Variants in FBXW7 observed in about 807,000 individuals in gnomAD.
The protein encoded by FBXW7 is F-box and WD repeat domain containing 7, also known as F-box/WD repeat-containing protein 7.
Under a neutral mutation model 86.3 loss-of-function variants are expected in FBXW7, and 11 were observed. The observed-to-expected ratio is 0.13, with a 90% CI of 0.08 to 0.21. FBXW7 has a LOEUF of 0.21. Ranked by LOEUF, FBXW7 falls within the 10% of genes least tolerant of loss-of-function variation. FBXW7 has a pLI of 1.00. For synonymous variants in FBXW7, 313 were observed against 297.9 expected, an observed-to-expected ratio of 1.05 and a Z score of -0.52; for missense variants, 488 against 847.4, an observed-to-expected ratio of 0.58 and a Z score of 5.27.
At position 152,321,525 on chromosome 4, in the gene FBXW7, G is replaced by C; in HGVS notation, c.*1356C>G. The C allele has an allele frequency of 4.3e-6, 1 of 233,082 alleles. No individual in the cohort carries two copies. Among genetic ancestry groups the C allele is most frequent in the Non-Finnish European group, 8.5e-6 (1 of 117,700 alleles). The allele number at this position is 233,082 out of a possible 1,614,324, so 14.4% of individuals were successfully genotyped here. A position where few individuals can be genotyped will look rare whatever the true frequency, so the allele number is the denominator to read the frequency against. On this transcript the variant is annotated 3_prime_UTR_variant, in exon 14 of 14. Transcript: ENST00000281708. ...AGTTCAGCTTGAGTTGTGGCTCTTG[G>C]AGAATGAGGCAAACCATTTGACTGT...
intron 2 of FBXW7, among the ~76,000 whole-genome samples, chr4:152,494,711 T>C (rs1445333278): frequency 6.6e-6 from 1 of 152,162 alleles, no homozygotes; most frequent in African/African-American, 2.4e-5. Context: ...ACCTGGAATG[T>C]ACAAGGAGAT....
chr4:152,502,420 T>C (rs955036262), intron 2 of FBXW7, among the ~76,000 whole-genome samples: 1 of 152,168 alleles, frequency 6.6e-6, no homozygotes, highest in African/African-American at 2.4e-5. Flanking sequence ...AATTTACAGT[T>C]AGAATGAGTA....
chr4:152,385,141 T>A (rs1268604706), intron 4 of FBXW7, among the ~76,000 whole-genome samples: 1 of 152,022 alleles, frequency 6.6e-6, no homozygotes, highest in African/African-American at 2.4e-5. Flanking sequence ...AAATTCTGTC[T>A]CAGTGATACC....
chr4:152,423,566 C>T (rs772023077), intron 2 of FBXW7, among the ~76,000 whole-genome samples: 1 of 152,158 alleles, frequency 6.6e-6, no homozygotes, highest in Admixed American at 6.5e-5. Flanking sequence ...CACCATACCT[C>T]TAATGTCCAT....
intron 4 of FBXW7, chr4:152,382,281 TA>T: frequency 6.2e-7 from 1 of 1,603,538 alleles, no homozygotes; most frequent in Non-Finnish European, 8.5e-7. Flanking sequence ...TTTGCACTTT[TA>T]AGATCAACAG....
intron 5 of FBXW7, among the ~76,000 whole-genome samples, chr4:152,347,284 G>A (rs372633057): frequency 1.4e-4 from 22 of 152,036 alleles, no homozygotes; most frequent in East Asian, 5.8e-4. Context: ...CCTATATAAC[G>A]CCTGTTATTA....
chr4:152,363,957 T>A (rs745752228), intron 4 of FBXW7, among the ~76,000 whole-genome samples: 4 of 152,136 alleles, frequency 2.6e-5, no homozygotes, highest in Non-Finnish European at 5.9e-5. Flanking sequence ...AGTTTAAATA[T>A]CTCTAAGATG....
At chr4:152,409,583 A>T (rs942381343) in intron 4 of FBXW7, among the ~76,000 whole-genome samples, 1 of 152,144 alleles carries the variant, frequency 6.6e-6, no homozygotes, top group African/African-American at 2.4e-5. Flanking sequence ...TTCAGACTGA[A>T]ATCTTACTTG....
intron 7 of FBXW7, among the ~76,000 whole-genome samples, chr4:152,336,098 C>T (rs1730066433): frequency 6.6e-6 from 1 of 151,990 alleles, no homozygotes; most frequent in Non-Finnish European, 1.5e-5. Context: ...ATTATTTATC[C>T]ACTTAGACAA....
At chr4:152,407,478 C>T (rs2126862963) in intron 4 of FBXW7, among the ~76,000 whole-genome samples, 1 of 152,306 alleles carries the variant, frequency 6.6e-6, no homozygotes, top group African/African-American at 2.4e-5. Context: ...TCTGAAGAAG[C>T]TATCATTCTC....
At chr4:152,418,506 G>GA (rs1308622744) in intron 2 of FBXW7, among the ~76,000 whole-genome samples, 1 of 151,968 alleles carries the variant, frequency 6.6e-6, no homozygotes, top group Non-Finnish European at 1.5e-5. Context: ...AGGAGCTGCA[G>GA]AAAAAAAACT....
intron 2 of FBXW7, among the ~76,000 whole-genome samples, chr4:152,472,097 C>T (rs1171131017): frequency 6.6e-6 from 1 of 152,046 alleles, no homozygotes; most frequent in East Asian, 1.9e-4. Context: ...CAAAGACATA[C>T]TACTACCCTC....
chr4:152,384,370 T>C (rs537369799), intron 4 of FBXW7, among the ~76,000 whole-genome samples: 1 of 152,188 alleles, frequency 6.6e-6, no homozygotes, highest in Non-Finnish European at 1.5e-5. Context: ...AATTCTGACA[T>C]ATGCTACAAC....
At chr4:152,397,466 G>A (rs1736512857) in intron 4 of FBXW7, among the ~76,000 whole-genome samples, 2 of 151,726 alleles carry the variant, frequency 1.3e-5, no homozygotes, top group African/African-American at 4.8e-5. Flanking sequence ...CGAGGCTAGA[G>A]TACTGTAGTA....
chr4:152,426,592 G>A (rs965519833), intron 2 of FBXW7, among the ~76,000 whole-genome samples: 2 of 152,064 alleles, frequency 1.3e-5, no homozygotes, highest in Admixed American at 6.6e-5. Flanking sequence ...CTGGTGATCC[G>A]CCCGCCTCGG....
intron 4 of FBXW7, among the ~76,000 whole-genome samples, chr4:152,375,975 T>A (rs1166352940): frequency 2.0e-5 from 3 of 152,220 alleles, no homozygotes; most frequent in African/African-American, 2.4e-5. Flanking sequence ...ATATGGCAGA[T>A]TATATACTTT....
intron 4 of FBXW7, among the ~76,000 whole-genome samples, chr4:152,350,520 A>G (rs1014109966): frequency 1.3e-5 from 2 of 151,836 alleles, no homozygotes; most frequent in African/African-American, 4.8e-5. Flanking sequence ...TTCTTTAAAA[A>G]CATGTTTTTA....
chr4:152,421,846 T>C (rs926296264), intron 2 of FBXW7, among the ~76,000 whole-genome samples: 3 of 152,164 alleles, frequency 2.0e-5, no homozygotes, highest in Non-Finnish European at 4.4e-5. Context: ...ACAACATTTA[T>C]TAAGTTTGCC....
intron 2 of FBXW7, among the ~76,000 whole-genome samples, chr4:152,527,860 T>C (rs865888236): frequency 7.0e-5 from 8 of 114,796 alleles, no homozygotes; most frequent in African/African-American, 2.3e-4. Context: ...AATTTAAAAA[T>C]TATATACACA....
Sources: allele counts gnomAD v4.1 joint callset (sites outside exome capture counted in the v4.1 genomes callset), GRCh38; gene constraint gnomAD v4.1.1; transcripts MANE v1.5; gene names NCBI Gene and HGNC (gene_info 2026-07-23, HGNC 2026-07-21).